Variants in PPFIA4 observed in about 807,000 individuals in gnomAD.
PPFIA4 encodes the protein liprin-alpha-4.
Under a neutral mutation model 145.7 loss-of-function variants are expected in PPFIA4, and 98 were observed. The ratio of observed to expected loss-of-function variants is 0.67; its 90% CI spans 0.57 to 0.80. PPFIA4 has a LOEUF of 0.80. Ranked by LOEUF, PPFIA4 falls within the 30% of genes least tolerant of loss-of-function variation. The pLI is 0.00. For missense variants in PPFIA4, 1,457 were observed against 1,632.7 expected, an observed-to-expected ratio of 0.89 and a Z score of 1.85; for synonymous variants, 628 against 649.6, an observed-to-expected ratio of 0.97 and a Z score of 0.51.
At chr1:203,028,935 G>A (rs1658629215) in intron 1 of PPFIA4, among the ~76,000 whole-genome samples, 1 of 152,170 alleles carries the variant, frequency 6.6e-6, no homozygotes, top group African/African-American at 2.4e-5. Context: ...GACTTCGGGT[G>A]GCCAGCAGAG....
At chr1:203,051,373 C>T in intron 13 of PPFIA4, 1 of 949,870 alleles carries the variant, frequency 1.1e-6, no homozygotes, top group Non-Finnish European at 1.3e-6. Context: ...TCATCCCTTC[C>T]AACATCTCCC....
At position 203,076,887 on chromosome 1, in the gene PPFIA4, A is replaced by C. The variant is rs1662588108; in HGVS notation, c.*497A>C. 2.5e-5 allele frequency: 4 copies of C among 162,878 alleles called. No individual in the cohort carries two copies. The South Asian group carries it at 6.7e-4, about 27-fold the overall frequency. 10.1% of individuals were successfully genotyped at this position (162,878 alleles called of 1,614,324 possible). ...TCTGGCAGCTGGTTTTGGCATCCCC[A>C]GCATCACCACTCTCCCAACCCATCA... On this transcript the variant is annotated 3_prime_UTR_variant, in exon 30 of 30. Transcript: ENST00000295706.
rs1658865067 is a variant in PPFIA4, at chr1:203,031,985, G to A, written c.-400+5356G>A. ...AAATGGTTGGCTCCTGGTGTTACTT[G>A]TGTAGCATTCCCAGGGTTGTCACTG... On this transcript the variant is annotated intron_variant, in intron 1 of 29. Coordinates refer to ENST00000295706, the MANE Select transcript of PPFIA4 (RefSeq NM_001304331.2). 2.0e-5 allele frequency among the ~76,000 whole-genome samples: 3 copies of A among 151,908 alleles called. No homozygotes were observed. The South Asian group carries it at 6.2e-4, about 31-fold the overall frequency.
In PPFIA4 at chr1:203,055,986, G is replaced by C; in HGVS notation, c.2071-134G>C. On this transcript the variant is annotated intron_variant, in intron 16 of 29. Coordinates refer to ENST00000295706, the MANE Select transcript of PPFIA4 (RefSeq NM_001304331.2). This position sits in a 1 kb window ranked among gnomAD's most constrained non-coding sequence, Gnocchi z 4.8. ...AGGCCAGCTTTTTTTTTTTTTTCTG[G>C]CGTGATATTCTCTCCGGGCCTGTGT... The C allele has an allele frequency of 1.1e-6, 1 of 870,604 alleles. No individual in the cohort carries two copies. The highest frequency in any genetic ancestry group is 1.7e-6 in the Non-Finnish European group (1 of 582,790). 53.9% of individuals were successfully genotyped at this position (870,604 alleles called of 1,614,324 possible). A position where few individuals can be genotyped will look rare whatever the true frequency, so the allele number is the denominator to read the frequency against.
At chr1:203,050,879 CTT>C (rs55718337) in intron 13 of PPFIA4, among the ~76,000 whole-genome samples, 1 of 144,560 alleles carries the variant, frequency 6.9e-6, no homozygotes, top group Non-Finnish European at 1.5e-5. Flanking sequence ...CACTGCTTGG[CTT>C]TTTTTTTTTT....
At position 203,059,895 on chromosome 1, in the gene PPFIA4, G is replaced by C. The variant is rs538336592; in HGVS notation, c.2583+44G>C. 1.7e-5 allele frequency: 26 copies of C among 1,488,422 alleles called. 1 individual carries two copies. The East Asian group carries it at 4.9e-4, about 28-fold the overall frequency. The allele number at this position is 1,488,422 out of a possible 1,614,324, so 92.2% of individuals were successfully genotyped here. Reference sequence around the variant, plus strand: ...AGTCCACTCAGGGGTCTGGAGGGAAGGATGCTTGGGGTGGGCAGAGGGGTG... The same window carrying C: ...AGTCCACTCAGGGGTCTGGAGGGAACGATGCTTGGGGTGGGCAGAGGGGTG... On this transcript the variant is annotated intron_variant, in intron 21 of 29. Transcript: ENST00000295706.
In PPFIA4 at chr1:203,061,667, A is replaced by G; in HGVS notation, c.2863A>G (p.Ser955Gly). 6.4e-7 allele frequency: 1 copy of G among 1,566,394 alleles called. No individual in the cohort carries two copies. The highest frequency in any genetic ancestry group is 1.4e-5 in the African/African-American group (1 of 73,730). Residue 955 changes from serine (S) to glycine (G), a missense_variant, in exon 24 of 30, where the codon AGC becomes GGC. By Grantham distance (56) the Ser-to-Gly change is moderately conservative. This residue lies in a region of PPFIA4 where 848 missense variants were observed against 1,046.7 expected (regional missense o/e 0.81). Transcript: ENST00000295706. ...TSTKTDSEEG[S>G]WAQTLAYGDM... Reference sequence around the variant, plus strand: ...TTCCTGCTAGGACAGTGAGGAGGGCAGCTGGGCTCAGGTAAGACTCCCTAC... The same window carrying G: ...TTCCTGCTAGGACAGTGAGGAGGGCGGCTGGGCTCAGGTAAGACTCCCTAC...
At chr1:203,047,483 A>T (rs1660167898) in intron 9 of PPFIA4, among the ~76,000 whole-genome samples, 1 of 152,192 alleles carries the variant, frequency 6.6e-6, no homozygotes, top group Non-Finnish European at 1.5e-5. Flanking sequence ...CAAGTGAGTC[A>T]TCGCAGGAGG....
rs1182749599 is a variant in PPFIA4, at chr1:203,044,709, A to G, written c.590A>G (p.Gln197Arg). The G allele has an allele frequency of 1.9e-6, 3 of 1,557,226 alleles. No individual in the cohort carries two copies. Among genetic ancestry groups the G allele is most frequent in the Non-Finnish European group, 2.6e-6 (3 of 1,150,778 alleles). The stretch of plus-strand genomic sequence containing the variant: ...TGTGCCCTACAGGTGTCTGCCCTGC[A>G]GCAGGGGGCAGGGGTGCGGGATGGA... The part of the protein sequence containing the change: ...AGAHQQVSAL[Q>R]QGAGVRDGAA... The change falls in exon 6 of 30, where the codon CAG (glutamine) becomes CGG (arginine). Residue 197 changes from glutamine to arginine, a missense_variant. Gln to Arg is a conservative substitution (Grantham distance 43). Transcript: ENST00000295706.
chr1:203,064,213 C>T (rs950907562), intron 25 of PPFIA4, among the ~76,000 whole-genome samples: 1 of 152,214 alleles, frequency 6.6e-6, no homozygotes, highest in Non-Finnish European at 1.5e-5. Context: ...AGGTTTCTGT[C>T]CTTATAATGA....
intron 2 of PPFIA4, among the ~76,000 whole-genome samples, chr1:203,042,378 A>G (rs1033535689): frequency 2.6e-5 from 4 of 152,094 alleles, no homozygotes; most frequent in African/African-American, 9.7e-5. Flanking sequence ...TGGTACATGG[A>G]TATTTGGTAA....
Position 203,055,564 on chromosome 1 carries a change from G to A in PPFIA4, c.1962G>A (p.Thr654=), listed in dbSNP as rs61746231. ...GTGGTTCCATCCCCACCTCTCTGACGGCCCTGTCCCTGGCCAGCGCGTCCC... is the reference window on the plus strand; with the variant it reads ...GTGGTTCCATCCCCACCTCTCTGACAGCCCTGTCCCTGGCCAGCGCGTCCC... The part of the protein sequence containing the change: ...RKRGSIPTSL[T]ALSLASASPP... The change falls in exon 16 of 30, where the codon ACG becomes ACA. Residue 654 remains threonine (T), a synonymous_variant. Coordinates refer to ENST00000295706, the MANE Select transcript of PPFIA4 (RefSeq NM_001304331.2). The surrounding 1 kb of genome is among the most constrained non-coding windows in gnomAD (Gnocchi z 4.8). 47,464 of 1,613,922 alleles carry A rather than the reference G, an allele frequency of 0.029. 808 individuals are homozygous for A. The highest frequency in any genetic ancestry group is 0.034 in the Non-Finnish European group (39,885 of 1,179,854).
chr1:203,036,276 T>C (rs886420558), intron 1 of PPFIA4, among the ~76,000 whole-genome samples: 1 of 152,204 alleles, frequency 6.6e-6, no homozygotes, highest in Non-Finnish European at 1.5e-5. Flanking sequence ...TTTTGTCTTG[T>C]AGCCGAAGCC....
At chr1:203,040,438 C>T (rs544170692) in intron 2 of PPFIA4, among the ~76,000 whole-genome samples, 2 of 152,286 alleles carry the variant, frequency 1.3e-5, no homozygotes, top group East Asian at 1.9e-4. Flanking sequence ...GTTTCCTACA[C>T]AAAAGTGATG....
At position 203,052,049 on chromosome 1, in the gene PPFIA4, C is replaced by CCG. The variant is rs1553257063; in HGVS notation, c.1620+173_1620+174insGC. 1.8e-4 allele frequency among the ~76,000 whole-genome samples: 25 copies of CCG among 137,324 alleles called. 2 individuals are homozygous for CCG. Among genetic ancestry groups the CCG allele is most frequent in the Admixed American group, 2.1e-4 (3 of 14,266 alleles). The allele number at this position is 137,324 out of a possible 152,430, so 90.1% of individuals were successfully genotyped here. A position where few individuals can be genotyped will look rare whatever the true frequency, so the allele number is the denominator to read the frequency against. ...ATCGTCAGCTGCAACAGCTGTGCCCCCCCCCCCGCTTGCCTTGGCCTCCTG... is the reference window on the plus strand; with the variant it reads ...ATCGTCAGCTGCAACAGCTGTGCCCCCGCCCCCCCGCTTGCCTTGGCCTCCTG... On this transcript the variant is annotated intron_variant, in intron 14 of 29. Coordinates refer to ENST00000295706, the MANE Select transcript of PPFIA4 (RefSeq NM_001304331.2).
intron 1 of PPFIA4, chr1:203,035,716 G>C: frequency 2.2e-6 from 1 of 453,670 alleles, no homozygotes; most frequent in South Asian, 1.6e-5. Flanking sequence ...GCTATTTAAA[G>C]ACGGCCCTGG....
chr1:203,034,603 T>C (rs1316716614), intron 1 of PPFIA4: 1 of 456,422 alleles, frequency 2.2e-6, no homozygotes, highest in African/African-American at 2.0e-5. Flanking sequence ...TGGAGCCAGC[T>C]AGGGGCTGGG....
intron 19 of PPFIA4, among the ~76,000 whole-genome samples, chr1:203,058,461 A>G (rs968855549): frequency 6.6e-6 from 1 of 152,178 alleles, no homozygotes; most frequent in African/African-American, 2.4e-5. Flanking sequence ...CGGTTTGATC[A>G]GGGGAAGAAG....
At position 203,039,194 on chromosome 1, in the gene PPFIA4, A is replaced by G. The variant is rs1267941983; in HGVS notation, c.186A>G (p.Ile62Met). The G allele has an allele frequency of 6.2e-7, 1 of 1,606,678 alleles. No individual in the cohort carries two copies. The highest frequency in any genetic ancestry group is 1.7e-5 in the Admixed American group (1 of 59,234). Residue 62 changes from isoleucine to methionine, a missense_variant, in exon 2 of 30, where the codon ATA (isoleucine) becomes ATG (methionine). This residue lies in a region of PPFIA4 where 463 missense variants were observed against 459.8 expected (regional missense o/e 1.01). Transcript: ENST00000295706. Reference protein sequence around the residue: ...AATQSRLQDAIHERDQLQRHL... With the variant: ...AATQSRLQDAMHERDQLQRHL... ...CACAGAGCCGGCTCCAGGATGCCATACACGAGCGGGACCAGCTCCAGCGCC... is the reference window on the plus strand; with the variant it reads ...CACAGAGCCGGCTCCAGGATGCCATGCACGAGCGGGACCAGCTCCAGCGCC...
Sources: allele counts gnomAD v4.1 joint callset (sites outside exome capture counted in the v4.1 genomes callset), GRCh38; gene constraint gnomAD v4.1.1; regional missense constraint gnomAD v4.1.1; non-coding constraint Gnocchi (gnomAD v3.1); transcripts MANE v1.5; gene names NCBI Gene and HGNC (gene_info 2026-07-23, HGNC 2026-07-21).